The following TRDMT1 variants were observed in gnomAD, a reference collection of about 807,000 sequenced individuals.
The protein encoded by TRDMT1 is tRNA (cytosine(38)-C(5))-methyltransferase.
In TRDMT1, 49 loss-of-function variants were observed where a neutral mutation model predicts 51.2. The ratio of observed to expected loss-of-function variants is 0.96; its 90% confidence interval spans 0.76 to 1.21. The LOEUF (loss-of-function observed/expected upper bound fraction) is 1.21. Among genes scored for constraint, TRDMT1 ranks in the 50% most tolerant of loss-of-function variants. The pLI is 0.00. For missense variants in TRDMT1, 534 were observed against 462.3 expected, an observed-to-expected ratio of 1.16 and a Z score of -1.42; for synonymous variants, 187 against 164.6, an observed-to-expected ratio of 1.14 and a Z score of -1.04.
intron 1 of TRDMT1, among the ~76,000 whole-genome samples, chr10:17,178,677 GAAAAAAAAAA>G (rs3054721): frequency 7.7e-5 from 8 of 104,044 alleles, no homozygotes; most frequent in African/African-American, 2.6e-4. Flanking sequence ...CTCTGTCTCG[GAAAAAAAAAA>G]AAAAAAAAAG....
chr10:17,194,949 C>CAAACAAAAAAAAAAAAAAAAAAAAAAAA (rs1845197140), intron 1 of TRDMT1, among the ~76,000 whole-genome samples: 2 of 85,286 alleles, frequency 2.3e-5, no homozygotes. Context: ...AAAAAAAAGT[C>CAAACAAAAAAAAAAAAAAAAAAAAAAAA]AAAAAAAAAA....
intron 1 of TRDMT1, among the ~76,000 whole-genome samples, chr10:17,188,738 G>C (rs1369586954): frequency 7.2e-5 from 11 of 152,166 alleles, no homozygotes; most frequent in Admixed American, 7.2e-4. Flanking sequence ...TTCAGTCAGA[G>C]TTACTTGAGA....
intron 2 of TRDMT1, among the ~76,000 whole-genome samples, chr10:17,170,818 GACATA>G (rs386741446): frequency 0.14 from 20,759 of 152,028 alleles, 1,496 homozygotes; most frequent in Admixed American, 0.17. Flanking sequence ...TCTTCTAGTA[GACATA>G]TTGTATATTG....
rs1484325829 is a variant in TRDMT1, at chr10:17,139,491, G to GA, written c.*9548dup. Among the ~76,000 whole-genome samples, 1 of 151,378 alleles carries GA rather than the reference G, an allele frequency of 6.6e-6. No homozygotes were observed. The highest frequency in any genetic ancestry group is 2.4e-5 in the African/African-American group (1 of 41,196). On this transcript the variant is annotated 3_prime_UTR_variant, in exon 11 of 11. Transcript: ENST00000377799. ...AGGATGTCACCACCGATGGGGGGAA[G>GA]AAAAAAACAGTTTGGTTCTCTTCTG...
intron 1 of TRDMT1, among the ~76,000 whole-genome samples, chr10:17,182,987 A>T (rs779822086): frequency 5.9e-5 from 9 of 152,126 alleles, no homozygotes; most frequent in Non-Finnish European, 1.0e-4. Context: ...CAAGGATTTA[A>T]GAAAATGTGC....
At chr10:17,193,277 C>T (rs867993185) in intron 1 of TRDMT1, among the ~76,000 whole-genome samples, 66 of 152,242 alleles carry the variant, frequency 4.3e-4, no homozygotes, top group African/African-American at 1.5e-3. Context: ...GCAGGAGAAT[C>T]GCTGGAACCC....
intron 8 of TRDMT1, 67 bp downstream of exon 8, chr10:17,157,374 A>C (rs1401427220): frequency 7.2e-7 from 1 of 1,392,874 alleles, no homozygotes; most frequent in Non-Finnish European, 9.7e-7. Context: ...AGAAGAACTT[A>C]AAGAAACAAT....
intron 1 of TRDMT1, among the ~76,000 whole-genome samples, chr10:17,182,222 G>A (rs1324344483): frequency 1.3e-5 from 2 of 152,162 alleles, no homozygotes; most frequent in Non-Finnish European, 2.9e-5. Context: ...ATATAAAAAT[G>A]CACCCAACCT....
intron 7 of TRDMT1, among the ~76,000 whole-genome samples, 194 bp downstream of exon 7, chr10:17,158,947 TTTTTG>T (rs1281601211): frequency 6.6e-6 from 1 of 152,122 alleles, no homozygotes; most frequent in Non-Finnish European, 1.5e-5. Flanking sequence ...TTTTGTTTTG[TTTTTG>T]TTTTGTTTTA....
In TRDMT1 at chr10:17,144,632, C is replaced by T; in HGVS notation, c.*4408G>A. The T allele has an allele frequency of 4.1e-6, 4 of 985,254 alleles. No homozygotes were observed. Among genetic ancestry groups the T allele is most frequent in the Non-Finnish European group, 4.8e-6 (4 of 829,834 alleles). The allele number at this position is 985,254 out of a possible 1,614,324, so 61.0% of individuals were successfully genotyped here. On this transcript the variant is annotated 3_prime_UTR_variant, in exon 11 of 11. Transcript: ENST00000377799. ...AAGCCAAAACAGCTCATTGTACATG[C>T]TCATATTTCTTGAACAAATATATTT...
chr10:17,139,063 T>C lies in TRDMT1; in HGVS notation c.*9977A>G, dbSNP rs1837508544. 3.4e-6 allele frequency: 2 copies of C among 584,940 alleles called. No homozygotes were observed. Among genetic ancestry groups the C allele is most frequent in the African/African-American group, 2.0e-5 (1 of 49,158 alleles). The allele number at this position is 584,940 out of a possible 1,614,324, so 36.2% of individuals were successfully genotyped here. A position where few individuals can be genotyped will look rare whatever the true frequency, so the allele number is the denominator to read the frequency against. On this transcript the variant is annotated 3_prime_UTR_variant, in exon 11 of 11. Coordinates refer to ENST00000377799, the MANE Select transcript of TRDMT1 (RefSeq NM_004412.7). ...AAGCTAGTAAAAAAATCAACAGAGCTTTCTCTACCTCCAACAGCTCCCGGA... is the reference window on the plus strand; with the variant it reads ...AAGCTAGTAAAAAAATCAACAGAGCCTTCTCTACCTCCAACAGCTCCCGGA...
intron 1 of TRDMT1, among the ~76,000 whole-genome samples, chr10:17,199,206 G>GA (rs1845835308): frequency 6.6e-6 from 1 of 152,148 alleles, no homozygotes; most frequent in South Asian, 2.1e-4. Flanking sequence ...AACAAGTGTG[G>GA]AAAAATATTT....
At chr10:17,200,194 A>T (rs1845964229) in intron 1 of TRDMT1, among the ~76,000 whole-genome samples, 1 of 152,242 alleles carries the variant, frequency 6.6e-6, no homozygotes, top group Admixed American at 6.5e-5. Flanking sequence ...AGCACACTGT[A>T]CTTGCAAAAA....
At chr10:17,200,886 G>T (rs1257508271) in intron 1 of TRDMT1, among the ~76,000 whole-genome samples, 1 of 152,152 alleles carries the variant, frequency 6.6e-6, no homozygotes, top group African/African-American at 2.4e-5. Flanking sequence ...GCACTTGACA[G>T]ACTTTAATCC....
chr10:17,175,757 G>A (rs997433783), intron 1 of TRDMT1, among the ~76,000 whole-genome samples: 4 of 151,922 alleles, frequency 2.6e-5, no homozygotes, highest in African/African-American at 7.3e-5. Flanking sequence ...AGGAGACAGG[G>A]CAAGGAGAAA....
intron 1 of TRDMT1, among the ~76,000 whole-genome samples, chr10:17,187,961 T>A (rs1451508980): frequency 2.0e-5 from 3 of 151,206 alleles, no homozygotes; most frequent in African/African-American, 7.3e-5. Flanking sequence ...TCATATTGTA[T>A]AATTTATAAT....
chr10:17,138,641 G>C lies in TRDMT1; in HGVS notation c.*10399C>G, dbSNP rs925944907. ...TATTACAATGACTACAATTATCTTT[G>C]AGTAGAATGAAAAAGAATTATGAGT... On this transcript the variant is annotated 3_prime_UTR_variant, in exon 11 of 11. Transcript: ENST00000377799. 2.2e-5 allele frequency among the ~76,000 whole-genome samples: 3 copies of C among 139,486 alleles called. No homozygotes were observed. Among genetic ancestry groups the C allele is most frequent in the South Asian group, 4.5e-4 (2 of 4,402 alleles). The allele number at this position is 139,486 out of a possible 152,430, so 91.5% of individuals were successfully genotyped here.
intron 8 of TRDMT1, 90 bp downstream of exon 8, chr10:17,157,351 G>T: frequency 8.2e-6 from 10 of 1,219,502 alleles, no homozygotes; most frequent in South Asian, 1.7e-5. Flanking sequence ...TTTATAAAAT[G>T]CTCCTTGTTT....
intron 10 of TRDMT1, chr10:17,153,209 G>T: frequency 2.3e-6 from 1 of 439,368 alleles, no homozygotes; most frequent in Non-Finnish European, 4.0e-6. Flanking sequence ...CTGGAAAGGG[G>T]ATGCTATGCA....
Sources: allele counts gnomAD v4.1 joint callset (sites outside exome capture counted in the v4.1 genomes callset), GRCh38; gene constraint gnomAD v4.1.1; transcripts MANE v1.5; gene names NCBI Gene and HGNC (gene_info 2026-07-23, HGNC 2026-07-21).